Variants in TBC1D32 observed in about 807,000 individuals in gnomAD.
TBC1D32 encodes the protein TBC1 domain family member 32.
Under a neutral mutation model 170.3 loss-of-function variants are expected in TBC1D32, and 151 were observed. That is an observed-to-expected ratio of 0.89 (90% CI 0.78 to 1.01). The LOEUF (loss-of-function observed/expected upper bound fraction) is 1.01. Ranked by LOEUF, TBC1D32 falls within the 50% of genes least tolerant of loss-of-function variation. TBC1D32 has a pLI of 0.00. For synonymous variants in TBC1D32, 498 were observed against 488.0 expected (o/e 1.02, Z -0.27); for missense variants, 1,464 against 1,457.1 (o/e 1.00, Z -0.08).
At chr6:121,158,263 C>T (rs1172038989) in intron 24 of TBC1D32, among the ~76,000 whole-genome samples, 1 of 152,150 alleles carries the variant, frequency 6.6e-6, no homozygotes, top group Non-Finnish European at 1.5e-5. Flanking sequence ...AGATTCTTTC[C>T]TTAGCTTGGT....
chr6:121,231,942 CTTTG>C (rs2128341948), intron 20 of TBC1D32, among the ~76,000 whole-genome samples: 3 of 152,118 alleles, frequency 2.0e-5, no homozygotes, highest in Non-Finnish European at 4.4e-5. Context: ...ATCTATTTAT[CTTTG>C]TTTTTCTTGC....
chr6:121,277,697 A>T (rs1190538422), intron 15 of TBC1D32, among the ~76,000 whole-genome samples: 3 of 151,750 alleles, frequency 2.0e-5, no homozygotes, highest in Non-Finnish European at 2.9e-5. Context: ...CGAATCATGT[A>T]AGCTTCCACC....
At chr6:121,286,252 T>C (rs1285598625) in intron 12 of TBC1D32, among the ~76,000 whole-genome samples, 1 of 151,920 alleles carries the variant, frequency 6.6e-6, no homozygotes, top group African/African-American at 2.4e-5. Context: ...AAAAATTGGA[T>C]AAATGGCTAA....
At chr6:121,194,791 T>C (rs967441134) in intron 22 of TBC1D32, among the ~76,000 whole-genome samples, 2 of 152,350 alleles carry the variant, frequency 1.3e-5, no homozygotes, top group African/African-American at 2.4e-5. Flanking sequence ...AGAACTTGAT[T>C]GCTTTTTGTT....
chr6:121,183,414 G>A (rs1030699538), intron 22 of TBC1D32, among the ~76,000 whole-genome samples: 2 of 152,088 alleles, frequency 1.3e-5, no homozygotes, highest in African/African-American at 2.4e-5. Flanking sequence ...TTAGAGGCAC[G>A]GCAGGTGGCT....
At chr6:121,311,163 A>C (rs569337080) in intron 3 of TBC1D32, among the ~76,000 whole-genome samples, 1 of 152,304 alleles carries the variant, frequency 6.6e-6, no homozygotes, top group South Asian at 2.1e-4. Context: ...GATGAATGAA[A>C]CAGACATAAA....
intron 24 of TBC1D32, among the ~76,000 whole-genome samples, chr6:121,149,789 T>A (rs1181127013): frequency 6.6e-6 from 1 of 152,190 alleles, no homozygotes; most frequent in Non-Finnish European, 1.5e-5. Context: ...TTTAGTTCTG[T>A]GAAGAAAGTC....
chr6:121,284,188 T>C lies in TBC1D32; in HGVS notation c.1373-278A>G, dbSNP rs1244094713. On this transcript the variant is annotated intron_variant, in intron 12 of 31. Transcript: ENST00000398212. ...TTAAGATAAACCTATGCTAGGAAGA[T>C]GTATGAATCTGATTAAGGCTATTTG... Among the ~76,000 whole-genome samples the C allele has an allele frequency of 2.0e-5, 3 of 152,046 alleles. No homozygotes were observed. In the East Asian group the frequency reaches 5.8e-4, roughly 29 times the overall value.
At chr6:121,236,697 A>G (rs1295617151) in intron 20 of TBC1D32, among the ~76,000 whole-genome samples, 1 of 152,112 alleles carries the variant, frequency 6.6e-6, no homozygotes, top group Non-Finnish European at 1.5e-5. Context: ...CAAATTGAAT[A>G]AAATCCCTGT....
chr6:121,275,273 A>G (rs536331918), intron 15 of TBC1D32, among the ~76,000 whole-genome samples: 13 of 152,338 alleles, frequency 8.5e-5, no homozygotes, highest in South Asian at 8.3e-4. Context: ...GATAATATAA[A>G]CACTAAAGAA....
intron 22 of TBC1D32, among the ~76,000 whole-genome samples, chr6:121,204,257 T>A (rs1406136490): frequency 1.3e-5 from 2 of 151,314 alleles, no homozygotes; most frequent in African/African-American, 4.9e-5. Flanking sequence ...ACCTTCTTTG[T>A]ACTATAAAGT....
chr6:121,317,775 T>TTTTA, intron 2 of TBC1D32, 103 bp from the exon 3 acceptor site: 8 of 779,464 alleles, frequency 1.0e-5, no homozygotes, highest in Non-Finnish European at 1.5e-5. Context: ...GGAAGTCCCT[T>TTTTA]TAAGAACACA....
intron 12 of TBC1D32, among the ~76,000 whole-genome samples, chr6:121,289,124 A>C (rs1365987638): frequency 6.6e-6 from 1 of 152,226 alleles, no homozygotes; most frequent in Admixed American, 6.5e-5. Context: ...CACCACTCCT[A>C]TTCAACAATA....
In TBC1D32 at chr6:121,306,075, C is replaced by T. The variant is rs569135852; in HGVS notation, c.691-1242G>A. Among the ~76,000 whole-genome samples the T allele has an allele frequency of 5.9e-5, 9 of 152,210 alleles. No individual in the cohort carries two copies. In the South Asian group the frequency reaches 1.9e-3, roughly 32 times the overall value. On this transcript the variant is annotated intron_variant, in intron 5 of 31. Transcript: ENST00000398212. ...AAAAATACGGGGAAATTTACAATTG[C>T]ATCCGTCGTTAGAGAGCATGAAATG...
intron 22 of TBC1D32, among the ~76,000 whole-genome samples, chr6:121,170,980 A>G (rs9387924): frequency 0.68 from 103,592 of 151,728 alleles, 38,836 homozygotes; most frequent in Non-Finnish European, 0.84. Flanking sequence ...TTGTCAGATC[A>G]AGCTAAGAAC....
At chr6:121,104,546 C>T (rs190731154) in intron 30 of TBC1D32, among the ~76,000 whole-genome samples, 2 of 151,212 alleles carry the variant, frequency 1.3e-5, no homozygotes, top group African/African-American at 2.4e-5. Flanking sequence ...TAAAATGAAA[C>T]AAAGTACATT....
intron 1 of TBC1D32, among the ~76,000 whole-genome samples, chr6:121,333,682 A>T (rs6929839): frequency 6.6e-6 from 1 of 152,188 alleles, no homozygotes; most frequent in East Asian, 1.9e-4. Flanking sequence ...CTTTCAAAGA[A>T]CATGAATAAT....
chr6:121,174,376 T>C (rs1308794181), intron 22 of TBC1D32, among the ~76,000 whole-genome samples: 1 of 152,084 alleles, frequency 6.6e-6, no homozygotes, highest in African/African-American at 2.4e-5. Flanking sequence ...AAGTCATCAA[T>C]CTAAGTACAT....
intron 26 of TBC1D32, among the ~76,000 whole-genome samples, chr6:121,117,068 T>A (rs1779756391): frequency 6.6e-6 from 1 of 152,180 alleles, no homozygotes; most frequent in South Asian, 2.1e-4. Context: ...TTTAAAGGCC[T>A]CTACAGCTTA....
Sources: gnomAD v4.1 joint callset for allele counts (sites outside exome capture counted in the v4.1 genomes callset) on GRCh38, gnomAD v4.1.1 for gene constraint, MANE v1.5 for transcripts, NCBI Gene and HGNC (gene_info 2026-07-23, HGNC 2026-07-21) for gene names.